SUDS3: variants seen among roughly 807,000 people sequenced by gnomAD.
The protein encoded by SUDS3 is SIN3A corepressor complex component SDS3.
SUDS3 carries 23 observed loss-of-function variants against 53.5 expected under a neutral mutation model. The observed-to-expected ratio is 0.43, with a 90% CI of 0.31 to 0.61. The LOEUF (loss-of-function observed/expected upper bound fraction) is 0.61. SUDS3 is among the 20% of genes least tolerant of loss of function. The pLI, the probability that SUDS3 is intolerant of heterozygous loss-of-function variation, is 0.10. For synonymous variants in SUDS3, 150 were observed against 148.5 expected (o/e 1.01, Z -0.08); for missense variants, 291 against 405.9 (o/e 0.72, Z 2.43).
chr12:118,402,485 C>T (rs148884700), intron 9 of SUDS3: 10 of 160,570 alleles, frequency 6.2e-5, no homozygotes, highest in Non-Finnish European at 9.5e-5. Flanking sequence ...TTGTTCCTTC[C>T]GGAACAGCAC....
rs573658015 is a variant in SUDS3, at chr12:118,396,336, A to G, written c.518-4323A>G. Among the ~76,000 whole-genome samples, 6 of 152,030 alleles carry G rather than the reference A, an allele frequency of 3.9e-5. No individual in the cohort carries two copies. The East Asian group carries it at 9.7e-4, about 25-fold the overall frequency. On this transcript the variant is annotated intron_variant, in intron 6 of 11. Transcript: ENST00000543473. ...AGTGGCACGATCTCAGCTCACTGCA[A>G]CCTCTGCCTCCTGTGCTCAAATGAT...
intron 4 of SUDS3, among the ~76,000 whole-genome samples, chr12:118,388,345 T>C (rs886604313): frequency 6.6e-6 from 1 of 152,138 alleles, no homozygotes; most frequent in Non-Finnish European, 1.5e-5. Flanking sequence ...GGGGAAGGGG[T>C]CCATAGCATT....
Position 118,383,916 on chromosome 12 carries a change from T to C in SUDS3, c.213-96T>C, listed in dbSNP as rs894703339. 40 of 1,136,158 alleles carry C rather than the reference T, an allele frequency of 3.5e-5. No individual in the cohort carries two copies. The South Asian group carries it at 5.2e-4, about 15-fold the overall frequency. 70.4% of individuals were successfully genotyped at this position (1,136,158 alleles called of 1,614,324 possible). A position where few individuals can be genotyped will look rare whatever the true frequency, so the allele number is the denominator to read the frequency against. On this transcript the variant is annotated intron_variant, in intron 2 of 11. Transcript: ENST00000543473. ...TCTTCCCTGAAGGACATTAATGACCTTCCCATAACAGCCCAGCTAATTTCT... is the reference window on the plus strand; with the variant it reads ...TCTTCCCTGAAGGACATTAATGACCCTCCCATAACAGCCCAGCTAATTTCT...
At chr12:118,408,827 T>G (rs918498989) in intron 10 of SUDS3, among the ~76,000 whole-genome samples, 35 of 152,204 alleles carry the variant, frequency 2.3e-4, no homozygotes, top group Non-Finnish European at 4.1e-4. Context: ...GCATTTTGTT[T>G]TGTGTCTTTA....
rs1252574257 is a variant in SUDS3, at chr12:118,414,631, A to C, written c.*198A>C. On this transcript the variant is annotated 3_prime_UTR_variant, in exon 12 of 12. Coordinates refer to ENST00000543473, the MANE Select transcript of SUDS3 (RefSeq NM_022491.3). ...AACTTTGTCAGTCTTTTCTGCCTCA[A>C]CTTCTTCCAGACATCAGTCACCATG... The C allele has an allele frequency of 1.1e-5, 5 of 468,968 alleles. No homozygotes were observed. The highest frequency in any genetic ancestry group is 1.0e-4 in the African/African-American group (5 of 49,488). 29.1% of individuals were successfully genotyped at this position (468,968 alleles called of 1,614,324 possible).
In SUDS3 at chr12:118,376,716, C is replaced by T. The variant is rs780697128; in HGVS notation, c.25C>T (p.Pro9Ser). The T allele has an allele frequency of 7.2e-6, 11 of 1,520,754 alleles. No homozygotes were observed. In the South Asian group the frequency reaches 1.3e-4, roughly 19 times the overall value. 94.2% of individuals were successfully genotyped at this position (1,520,754 alleles called of 1,614,324 possible). A position where few individuals can be genotyped will look rare whatever the true frequency, so the allele number is the denominator to read the frequency against. MSAAGLLA[P>S]APAQAGAPPA... is the part of the protein sequence containing the mutation. ...CATGAGTGCCGCGGGGCTGCTGGCC[C>T]CGGCCCCGGCCCAGGCTGGAGCGCC... The change falls in exon 1 of 12, where the codon CCG becomes TCG. Residue 9 changes from proline (P) to serine (S), a missense_variant. Pro to Ser is a moderately conservative substitution (Grantham distance 74). Around this residue, in one of 4 missense-constraint regions of SUDS3, gnomAD observed 149 missense variants for 146.5 expected, o/e 1.02. Coordinates refer to ENST00000543473, the MANE Select transcript of SUDS3 (RefSeq NM_022491.3).
chr12:118,380,427 T>C (rs774595917), intron 2 of SUDS3, among the ~76,000 whole-genome samples, 196 bp downstream of exon 2: 36 of 152,316 alleles, frequency 2.4e-4, no homozygotes, highest in Admixed American at 3.9e-4. Flanking sequence ...AGCTGGTAAG[T>C]ATATTGCAAA....
At chr12:118,382,596 A>G (rs1351298945) in intron 2 of SUDS3, among the ~76,000 whole-genome samples, 1 of 151,230 alleles carries the variant, frequency 6.6e-6, no homozygotes, top group African/African-American at 2.4e-5. Flanking sequence ...TGAATGCCTG[A>G]GCTCAAGCAT....
At chr12:118,400,899 A>G in intron 7 of SUDS3, 145 bp downstream of exon 7, 2 of 775,126 alleles carry the variant, frequency 2.6e-6, no homozygotes, top group Non-Finnish European at 4.3e-6. Context: ...ATGTTTGTCC[A>G]CAGGTCAGGG....
chr12:118,409,350 T>C (rs1435709118), intron 10 of SUDS3, among the ~76,000 whole-genome samples: 1 of 152,146 alleles, frequency 6.6e-6, no homozygotes, highest in Non-Finnish European at 1.5e-5. Flanking sequence ...TTTCACCATG[T>C]TGGCCAGGCT....
chr12:118,401,934 C>T, intron 8 of SUDS3, 49 bp from the exon 9 acceptor site: 1 of 1,611,238 alleles, frequency 6.2e-7, no homozygotes, highest in South Asian at 1.1e-5. Flanking sequence ...CCTGAAGTTG[C>T]ACCTGAAATG....
In SUDS3 at chr12:118,382,666, CTT is replaced by C. The variant is rs573617276; in HGVS notation, c.213-1330_213-1329del. ...ACAAGAATAAGCCAATGTGCCCAGC[CTT>C]TTTTTTTTTTTTTTTAAGAGACAGG... is the stretch of plus-strand genomic sequence containing the variant. On this transcript the variant is annotated intron_variant, in intron 2 of 11. Transcript: ENST00000543473. Among the ~76,000 whole-genome samples the C allele has an allele frequency of 9.6e-3, 1,298 of 135,608 alleles. 9 individuals are homozygous for C. The highest frequency in any genetic ancestry group is 0.032 in the African/African-American group (1,145 of 36,340). 89.0% of individuals were successfully genotyped at this position (135,608 alleles called of 152,430 possible). A position where few individuals can be genotyped will look rare whatever the true frequency, so the allele number is the denominator to read the frequency against.
In SUDS3 at chr12:118,403,921, T is replaced by C. The variant is rs369799001; in HGVS notation, c.803+404T>C. The C allele has an allele frequency of 3.1e-5, 6 of 194,592 alleles. No individual in the cohort carries two copies. In the South Asian group the frequency reaches 7.0e-4, roughly 23 times the overall value. 12.1% of individuals were successfully genotyped at this position (194,592 alleles called of 1,614,324 possible). ...GTCAAATCAGTTTGGGGGATGATCA[T>C]GTTAATTAAGATAAGTGGGTTGCTC... On this transcript the variant is annotated intron_variant, in intron 10 of 11. Transcript: ENST00000543473.
At chr12:118,381,527 C>A (rs1243696823) in intron 2 of SUDS3, among the ~76,000 whole-genome samples, 1 of 152,000 alleles carries the variant, frequency 6.6e-6, no homozygotes, top group Non-Finnish European at 1.5e-5. Context: ...GGACTACAGG[C>A]ACATGCCACC....
chr12:118,384,251 T>C lies in SUDS3; in HGVS notation c.268+184T>C, dbSNP rs147089213. Among the ~76,000 whole-genome samples, 267 of 152,362 alleles carry C rather than the reference T, an allele frequency of 1.8e-3. 1 individual carries two copies. The highest frequency in any genetic ancestry group is 6.3e-3 in the African/African-American group (263 of 41,574). Reference sequence around the variant, plus strand: ...TGGTGATTTTCCAGCTCCTTGATTTTGAAACATTTATTTCCAGTATGTGTG... The same window carrying C: ...TGGTGATTTTCCAGCTCCTTGATTTCGAAACATTTATTTCCAGTATGTGTG... On this transcript the variant is annotated intron_variant, in intron 3 of 11. Transcript: ENST00000543473.
At chr12:118,402,102 T>A (rs562532435) in intron 9 of SUDS3, 98 bp downstream of exon 9, 1 of 1,403,406 alleles carries the variant, frequency 7.1e-7, no homozygotes, top group Non-Finnish European at 1.0e-6. Flanking sequence ...TTTTCAAAAA[T>A]GAAATGTTCA....
intron 10 of SUDS3, among the ~76,000 whole-genome samples, chr12:118,403,719 T>C (rs1430202240): frequency 6.6e-6 from 1 of 152,180 alleles, no homozygotes; most frequent in Non-Finnish European, 1.5e-5. Context: ...CCCAAAACCA[T>C]GTTCTGCTCC....
chr12:118,389,831 C>G, intron 4 of SUDS3, 96 bp from the exon 5 acceptor site: 5 of 1,463,548 alleles, frequency 3.4e-6, no homozygotes, highest in Non-Finnish European at 3.8e-6. Flanking sequence ...AACATGCTTT[C>G]AGAAAGCAAT....
At chr12:118,406,892 T>G (rs914487873) in intron 10 of SUDS3, among the ~76,000 whole-genome samples, 2 of 139,014 alleles carry the variant, frequency 1.4e-5, no homozygotes, top group Non-Finnish European at 3.1e-5. Flanking sequence ...CCCCCCCATA[T>G]GAACACTTCA....
Sources: gnomAD v4.1 joint callset for allele counts (sites outside exome capture counted in the v4.1 genomes callset) on GRCh38, gnomAD v4.1.1 for gene constraint, gnomAD v4.1.1 regional missense constraint, MANE v1.5 for transcripts, NCBI Gene and HGNC (gene_info 2026-07-23, HGNC 2026-07-21) for gene names.